AGBL1: variants seen among roughly 807,000 people sequenced by gnomAD.
The protein encoded by AGBL1 is cytosolic carboxypeptidase 4.
A neutral mutation model predicts 118.9 loss-of-function variants in AGBL1; 130 were observed. That is an observed-to-expected ratio of 1.09 (90% CI 0.95 to 1.26). The LOEUF is 1.26. Among genes scored for constraint, AGBL1 ranks in the 50% most tolerant of loss-of-function variants. The pLI, the probability that AGBL1 is intolerant of heterozygous loss-of-function variation, is 0.00. For missense variants in AGBL1, 1,584 were observed against 1,298.1 expected (o/e 1.22, Z -3.38); for synonymous variants, 555 against 478.9 (o/e 1.16, Z -2.08).
intron 18 of AGBL1, among the ~76,000 whole-genome samples, chr15:86,481,288 C>CAT (rs71311217): frequency 0.7 from 105,702 of 151,684 alleles, 38,285 homozygotes; most frequent in African/African-American, 0.86. Flanking sequence ...TATTTTAAAC[C>CAT]AGTTTATGAA....
At chr15:87,008,266 T>G (rs1288901637) in intron 24 of AGBL1, among the ~76,000 whole-genome samples, 1 of 152,142 alleles carries the variant, frequency 6.6e-6, no homozygotes, top group Non-Finnish European at 1.5e-5. Context: ...GGGAGGTGAT[T>G]GAATCATGGG....
chr15:86,188,466 A>G (rs8027839), intron 5 of AGBL1, among the ~76,000 whole-genome samples: 73,806 of 152,134 alleles, frequency 0.49, 20,236 homozygotes, highest in African/African-American at 0.75. Flanking sequence ...TCATCTATCT[A>G]CAGACTTGGC....
intron 22 of AGBL1, among the ~76,000 whole-genome samples, chr15:86,804,037 G>A (rs1567181555): frequency 6.6e-6 from 1 of 152,016 alleles, no homozygotes; most frequent in Non-Finnish European, 1.5e-5. Context: ...GTAGATTTCA[G>A]GAAAAGAGAC....
intron 5 of AGBL1, among the ~76,000 whole-genome samples, chr15:86,177,908 G>C (rs1459006246): frequency 6.6e-6 from 1 of 151,856 alleles, no homozygotes. Flanking sequence ...TATAAAGTAA[G>C]TAAAATGAAG....
chr15:86,825,116 C>T (rs539778278), intron 22 of AGBL1, among the ~76,000 whole-genome samples: 7 of 151,800 alleles, frequency 4.6e-5, no homozygotes, highest in African/African-American at 1.7e-4. Context: ...CAGAACTCAA[C>T]CTACGCAAAT....
chr15:86,921,445 T>C (rs932737793), intron 23 of AGBL1, among the ~76,000 whole-genome samples: 8 of 152,360 alleles, frequency 5.3e-5, no homozygotes, highest in African/African-American at 7.2e-5. Flanking sequence ...TTAGTTTCTA[T>C]AGGGAACCAA....
chr15:86,277,233 G>A (rs563792079), intron 15 of AGBL1, among the ~76,000 whole-genome samples: 3 of 150,826 alleles, frequency 2.0e-5, no homozygotes, highest in Admixed American at 6.6e-5. Context: ...AGTCTTGCTC[G>A]GGAGAATCTA....
chr15:86,982,258 A>G (rs1166583426), intron 23 of AGBL1, among the ~76,000 whole-genome samples: 2 of 152,130 alleles, frequency 1.3e-5, no homozygotes, highest in African/African-American at 2.4e-5. Flanking sequence ...CACATTTCCA[A>G]TTTCATTAAG....
intron 22 of AGBL1, among the ~76,000 whole-genome samples, chr15:86,736,417 G>C (rs960110170): frequency 5.3e-5 from 8 of 151,962 alleles, no homozygotes; most frequent in Non-Finnish European, 1.2e-4. Context: ...TATTATGCTA[G>C]ATACTCTGCC....
At chr15:86,906,025 A>G (rs2080276161) in intron 22 of AGBL1, among the ~76,000 whole-genome samples, 1 of 152,200 alleles carries the variant, frequency 6.6e-6, no homozygotes, top group Admixed American at 6.5e-5. Context: ...TCAGCAGACA[A>G]TTAAGACACT....
chr15:86,100,949 G>A (rs1397569968), intron 1 of AGBL1, among the ~76,000 whole-genome samples: 1 of 151,996 alleles, frequency 6.6e-6, no homozygotes, highest in African/African-American at 2.4e-5. Context: ...GTTGTTTCAT[G>A]TGCATTGTTA....
At chr15:86,546,221 G>GTTTTT in intron 20 of AGBL1, 88 bp downstream of exon 20, 20 of 1,063,650 alleles carry the variant, frequency 1.9e-5, no homozygotes, top group Non-Finnish European at 2.4e-5. Flanking sequence ...CATTTATTTA[G>GTTTTT]TTTTTTTTTT....
Position 86,563,309 on chromosome 15 carries a change from C to T in AGBL1, c.2994+8772C>T, listed in dbSNP as rs1432615049. ...GCTATAAATTTCCCTCTACACACTG[C>T]TTTAAATGTGTCCCAGAGATTCTGG... On this transcript the variant is annotated intron_variant, in intron 21 of 22. Transcript: ENST00000614907. Among the ~76,000 whole-genome samples the T allele has an allele frequency of 2.6e-5, 4 of 152,258 alleles. 1 individual carries two copies. Among genetic ancestry groups the T allele is most frequent in the South Asian group, 4.1e-4 (2 of 4,826 alleles).
chr15:86,387,892 G>A (rs1324365892), intron 17 of AGBL1, among the ~76,000 whole-genome samples: 1 of 152,112 alleles, frequency 6.6e-6, no homozygotes, highest in East Asian at 1.9e-4. Flanking sequence ...TGGGCTCCTT[G>A]TCATCTGGAG....
chr15:86,570,145 G>A (rs1048593297), intron 21 of AGBL1, among the ~76,000 whole-genome samples: 5 of 152,198 alleles, frequency 3.3e-5, no homozygotes, highest in Admixed American at 1.3e-4. Context: ...CAGAGTCCAG[G>A]ATATGAAGAG....
chr15:86,671,384 T>C (rs2085743766), intron 21 of AGBL1, among the ~76,000 whole-genome samples: 1 of 152,144 alleles, frequency 6.6e-6, no homozygotes. Flanking sequence ...TTGTGCAAAA[T>C]AAAACCTCGT....
chr15:86,965,681 G>A (rs1046284231), intron 23 of AGBL1, among the ~76,000 whole-genome samples: 9 of 151,936 alleles, frequency 5.9e-5, no homozygotes, highest in African/African-American at 2.2e-4. Flanking sequence ...CCATAAAAAA[G>A]GATGAGTTCA....
At chr15:86,872,179 G>A (rs62032639) in intron 22 of AGBL1, among the ~76,000 whole-genome samples, 17,489 of 152,212 alleles carry the variant, frequency 0.11, 1,293 homozygotes, top group Non-Finnish European at 0.16. Flanking sequence ...AGATGGCTGG[G>A]ACAGAAGAGC....
At chr15:86,520,319 G>A (rs936598609) in intron 18 of AGBL1, among the ~76,000 whole-genome samples, 2 of 152,080 alleles carry the variant, frequency 1.3e-5, no homozygotes, top group African/African-American at 2.4e-5. Context: ...TATTTCATTC[G>A]ATCCTCAAAA....
Sources: allele counts gnomAD v4.1 joint callset (sites outside exome capture counted in the v4.1 genomes callset), GRCh38; gene constraint gnomAD v4.1.1; transcripts MANE v1.5; gene names NCBI Gene and HGNC (gene_info 2026-07-23, HGNC 2026-07-21).